Variants in SPAG16 observed in about 807,000 individuals in gnomAD.
SPAG16 encodes sperm-associated antigen 16 protein.
Under a neutral mutation model 80.4 loss-of-function variants are expected in SPAG16, and 86 were observed. The ratio of observed to expected loss-of-function variants is 1.07; its 90% CI spans 0.90 to 1.28. SPAG16 has a LOEUF of 1.28. Ranked by LOEUF, SPAG16 falls within the 50% of genes most tolerant of loss-of-function variation. The pLI is 0.00. For synonymous variants in SPAG16, 294 were observed against 265.9 expected (o/e 1.11, Z -1.03); for missense variants, 870 against 765.3 (o/e 1.14, Z -1.61).
intron 15 of SPAG16, among the ~76,000 whole-genome samples, chr2:214,247,808 G>A (rs935926305): frequency 3.3e-5 from 5 of 152,124 alleles, no homozygotes; most frequent in African/African-American, 1.2e-4. Flanking sequence ...AAGGCAGGAG[G>A]ATTGCTTGAG....
At chr2:213,856,304 G>A (rs2075165435) in intron 10 of SPAG16, among the ~76,000 whole-genome samples, 1 of 152,204 alleles carries the variant, frequency 6.6e-6, no homozygotes, top group Admixed American at 6.5e-5. Context: ...CCACCCCTGT[G>A]GCTTTGCAGG....
chr2:214,296,061 C>T (rs1694109840), intron 15 of SPAG16, among the ~76,000 whole-genome samples: 1 of 152,152 alleles, frequency 6.6e-6, no homozygotes, highest in Non-Finnish European at 1.5e-5. Context: ...CATACTCCCC[C>T]TTTTCAGAAT....
At chr2:213,643,382 A>T (rs866172769) in intron 10 of SPAG16, among the ~76,000 whole-genome samples, 2 of 70,560 alleles carry the variant, frequency 2.8e-5, no homozygotes, top group African/African-American at 1.3e-4. Flanking sequence ...ATATATATAT[A>T]TATATATATA....
intron 9 of SPAG16, among the ~76,000 whole-genome samples, chr2:213,409,881 T>G (rs141757522): frequency 1.3e-5 from 2 of 152,122 alleles, no homozygotes; most frequent in Non-Finnish European, 2.9e-5. Context: ...TCTTAGAAAT[T>G]ATATACTTGG....
chr2:214,070,539 C>A (rs1411871525), intron 13 of SPAG16, among the ~76,000 whole-genome samples: 2 of 151,840 alleles, frequency 1.3e-5, no homozygotes, highest in African/African-American at 2.4e-5. Context: ...TCGGTTCCAG[C>A]CATTTATTTG....
At chr2:213,807,202 A>T (rs1433950205) in intron 10 of SPAG16, among the ~76,000 whole-genome samples, 1 of 152,122 alleles carries the variant, frequency 6.6e-6, no homozygotes, top group Admixed American at 6.6e-5. Flanking sequence ...TTAAAACAGG[A>T]TCTTTCCTTG....
intron 13 of SPAG16, among the ~76,000 whole-genome samples, chr2:214,093,540 T>G (rs1278616732): frequency 2.6e-5 from 4 of 152,020 alleles, no homozygotes; most frequent in Non-Finnish European, 5.9e-5. Context: ...TGTGTGTCCA[T>G]GTATGTGTAT....
intron 15 of SPAG16, among the ~76,000 whole-genome samples, chr2:214,173,135 C>T (rs1218765412): frequency 6.6e-6 from 1 of 151,944 alleles, no homozygotes; most frequent in Non-Finnish European, 1.5e-5. Flanking sequence ...GCTTTTGTTG[C>T]CGTTGCTTTT....
At chr2:214,291,119 G>GT (rs1693760280) in intron 15 of SPAG16, among the ~76,000 whole-genome samples, 1 of 151,700 alleles carries the variant, frequency 6.6e-6, no homozygotes, top group South Asian at 2.1e-4. Context: ...AATGGCCTTT[G>GT]TTTTTTCTTT....
intron 10 of SPAG16, among the ~76,000 whole-genome samples, chr2:213,776,815 C>T (rs2069607696): frequency 7.3e-6 from 1 of 137,526 alleles, no homozygotes; most frequent in Non-Finnish European, 1.6e-5. Context: ...ATCTTACCAG[C>T]GTTCTATGCC....
chr2:213,675,116 T>C (rs949542055), intron 10 of SPAG16, among the ~76,000 whole-genome samples: 40 of 152,130 alleles, frequency 2.6e-4, no homozygotes, highest in African/African-American at 9.2e-4. Context: ...GGTTTTGATT[T>C]GCATTTCTCT....
At chr2:213,537,871 A>G (rs2125907147) in intron 10 of SPAG16, among the ~76,000 whole-genome samples, 1 of 152,294 alleles carries the variant, frequency 6.6e-6, no homozygotes, top group South Asian at 2.1e-4. Context: ...TGATGTTAAC[A>G]TACTTGGCAG....
At chr2:214,044,888 T>C (rs997123300) in intron 13 of SPAG16, among the ~76,000 whole-genome samples, 1 of 152,174 alleles carries the variant, frequency 6.6e-6, no homozygotes, top group Non-Finnish European at 1.5e-5. Flanking sequence ...TGGTTGGAAT[T>C]TGAGTTCTAG....
intron 6 of SPAG16, among the ~76,000 whole-genome samples, chr2:213,348,867 C>G (rs1456321640): frequency 1.3e-5 from 2 of 152,092 alleles, no homozygotes; most frequent in African/African-American, 4.8e-5. Flanking sequence ...TGGAGTTGCT[C>G]TTCTTGAGGA....
At chr2:213,482,267 G>A (rs2073784717) in intron 9 of SPAG16, among the ~76,000 whole-genome samples, 1 of 152,202 alleles carries the variant, frequency 6.6e-6, no homozygotes, top group South Asian at 2.1e-4. Context: ...GGCACTTCAG[G>A]CTTGCCCCCA....
chr2:213,614,940 A>AT (rs1282188223), intron 10 of SPAG16, among the ~76,000 whole-genome samples: 1 of 152,114 alleles, frequency 6.6e-6, no homozygotes, highest in African/African-American at 2.4e-5. Context: ...GATTTCTTTG[A>AT]TTTTTCTCAC....
intron 10 of SPAG16, among the ~76,000 whole-genome samples, chr2:213,796,076 A>C (rs941760282): frequency 1.3e-4 from 20 of 152,128 alleles, no homozygotes; most frequent in Non-Finnish European, 8.8e-5. Flanking sequence ...TAAAACATCT[A>C]ATCTATTCAA....
At chr2:213,512,078 T>A (rs1009043897) in intron 10 of SPAG16, among the ~76,000 whole-genome samples, 12 of 152,024 alleles carry the variant, frequency 7.9e-5, no homozygotes, top group Non-Finnish European at 1.5e-4. Context: ...ATCACAACAG[T>A]CATGGTTATC....
At chr2:214,035,151 G>T (rs1268315651) in intron 13 of SPAG16, among the ~76,000 whole-genome samples, 2 of 151,748 alleles carry the variant, frequency 1.3e-5, no homozygotes, top group African/African-American at 4.8e-5. Flanking sequence ...TCTGCAGCTG[G>T]TCTTATCATC....
Sources: gnomAD v4.1 joint callset for allele counts (sites outside exome capture counted in the v4.1 genomes callset) on GRCh38, gnomAD v4.1.1 for gene constraint, MANE v1.5 for transcripts, NCBI Gene and HGNC (gene_info 2026-07-23, HGNC 2026-07-21) for gene names.